The following BCLAF1 variants were observed in gnomAD, a reference collection of about 807,000 sequenced individuals.
The protein encoded by BCLAF1 is bcl-2-associated transcription factor 1.
In BCLAF1, 10 loss-of-function variants were observed where a neutral mutation model predicts 99.5. The observed-to-expected ratio is 0.10, with a 90% CI of 0.06 to 0.17. The LOEUF is 0.17. Among genes scored for constraint, BCLAF1 ranks in the 10% least tolerant of loss-of-function variants. The pLI, the probability that BCLAF1 is intolerant of heterozygous loss-of-function variation, is 1.00. For synonymous variants in BCLAF1, 255 were observed against 370.9 expected (o/e 0.69, Z 3.59); for missense variants, 636 against 1,105.8 (o/e 0.58, Z 6.02).
At chr6:136,273,570 C>A (rs1458254156) in intron 6 of BCLAF1, 3 of 161,728 alleles carry the variant, frequency 1.9e-5, no homozygotes, top group East Asian at 1.8e-4. Flanking sequence ...AAACAAAAAA[C>A]AGGAAAATAT....
intron 1 of BCLAF1, among the ~76,000 whole-genome samples, chr6:136,289,448 G>C (rs969897776): frequency 1.3e-5 from 2 of 152,156 alleles, no homozygotes; most frequent in African/African-American, 4.8e-5. Context: ...ACGGGAGGCC[G>C]CGCGGGCTGT....
rs1184812796 is a variant in BCLAF1, at chr6:136,257,921, TTTATA to T, written c.*3184_*3188del. On this transcript the variant is annotated 3_prime_UTR_variant, in exon 13 of 13. Coordinates refer to ENST00000531224, the MANE Select transcript of BCLAF1 (RefSeq NM_014739.3). ...ACAAATGTTAATAATGCAGCATACT[TTTATA>T]TAAGAAATTTGTATATAACATTACA... is the stretch of plus-strand genomic sequence containing the variant. 6.6e-6 allele frequency: 1 copy of T among 152,148 alleles called. No homozygotes were observed. Among genetic ancestry groups the T allele is most frequent in the Non-Finnish European group, 1.5e-5 (1 of 67,984 alleles). 9.4% of individuals were successfully genotyped at this position (152,148 alleles called of 1,614,324 possible). A position where few individuals can be genotyped will look rare whatever the true frequency, so the allele number is the denominator to read the frequency against.
At chr6:136,261,830 AAATT>A (rs748356012) in intron 11 of BCLAF1, among the ~76,000 whole-genome samples, 17 of 152,138 alleles carry the variant, frequency 1.1e-4, no homozygotes, top group Non-Finnish European at 2.5e-4. Flanking sequence ...CAATGAGATA[AAATT>A]AAGTTTTTCC....
intron 11 of BCLAF1, among the ~76,000 whole-genome samples, chr6:136,262,775 A>G (rs1457259207): frequency 1.3e-5 from 2 of 152,186 alleles, no homozygotes; most frequent in Non-Finnish European, 2.9e-5. Context: ...ACATAATTTC[A>G]TGCTCCCTTA....
chr6:136,271,794 T>G (rs1782568228), intron 8 of BCLAF1: 1 of 381,206 alleles, frequency 2.6e-6, no homozygotes. Context: ...GAAAAAACAC[T>G]CTTGGTTTAA....
intron 10 of BCLAF1, 127 bp from the exon 11 acceptor site, chr6:136,267,302 G>T: frequency 8.7e-7 from 1 of 1,144,730 alleles, no homozygotes. Flanking sequence ...CATGGCCATT[G>T]AGGATGAAAA....
Position 136,275,868 on chromosome 6 carries a change from G to A in BCLAF1, c.1657C>T (p.Pro553Ser), listed in dbSNP as rs749794241. ...HRPEVKLKMAPVPLDDSNRPA... is the reference protein window; with the variant it reads ...HRPEVKLKMASVPLDDSNRPA... ...CTGTTAGAATCATCAAGAGGAACAG[G>A]TGCCATTTTGAGTTTGACTTCAGGA... Residue 553 changes from proline to serine, a missense_variant, in exon 5 of 13, where the codon CCT becomes TCT. Transcript: ENST00000531224. 6.2e-7 allele frequency: 1 copy of A among 1,613,164 alleles called. No homozygotes were observed. The highest frequency in any genetic ancestry group is 8.5e-7 in the Non-Finnish European group (1 of 1,179,672).
rs1025230597 is a variant in BCLAF1 at position 136,258,021 on chromosome 6, A to T, written c.*3089T>A. 2.6e-5 allele frequency: 4 copies of T among 152,106 alleles called. No individual in the cohort carries two copies. The highest frequency in any genetic ancestry group is 9.6e-5 in the African/African-American group (4 of 41,460). The allele number at this position is 152,106 out of a possible 1,614,324, so 9.4% of individuals were successfully genotyped here. ...TACATGCATATGTATGTACACACAG[A>T]GTTATTTCTCTCACAGAATTTTTAA... On this transcript the variant is annotated 3_prime_UTR_variant, in exon 13 of 13. Coordinates refer to ENST00000531224, the MANE Select transcript of BCLAF1 (RefSeq NM_014739.3).
chr6:136,268,348 T>C lies in BCLAF1; in HGVS notation c.2220-9A>G, dbSNP rs1554215118. On this transcript the variant is annotated splice_polypyrimidine_tract_variant and intron_variant, in intron 9 of 12. Transcript: ENST00000531224. ...GCTCTCTTTTATGTTTACTGCAAAA[T>C]AAAGAAAACAAAAAATGTGATACTT... is the stretch of plus-strand genomic sequence containing the variant. The C allele has an allele frequency of 3.2e-6, 5 of 1,583,586 alleles. No homozygotes were observed. The highest frequency in any genetic ancestry group is 3.4e-6 in the Non-Finnish European group (4 of 1,168,656).
intron 2 of BCLAF1, among the ~76,000 whole-genome samples, chr6:136,280,678 C>T (rs1784270330): frequency 1.3e-5 from 2 of 151,868 alleles, no homozygotes; most frequent in African/African-American, 4.8e-5. Context: ...ATAATTAGAC[C>T]TCATTGGGTA....
In BCLAF1 at chr6:136,278,220, T is replaced by G. The variant is rs772286045; in HGVS notation, c.661A>C (p.Asn221His). Residue 221 changes from asparagine to histidine, a missense_variant, in exon 4 of 13, where the codon AAT (asparagine) becomes CAT (histidine). Asn to His is a moderately conservative substitution (Grantham distance 68). Around this residue, in one of 9 missense-constraint regions of BCLAF1, gnomAD observed 65 missense variants for 90.9 expected, o/e 0.71. Coordinates refer to ENST00000531224, the MANE Select transcript of BCLAF1 (RefSeq NM_014739.3). Reference protein sequence around the residue: ...DIWPGLSAYDNSPRSPHSPSP... With the variant: ...DIWPGLSAYDHSPRSPHSPSP... Reference sequence around the variant, plus strand: ...GGACTATGGGGTGATCTAGGACTATTATCATAAGCTGAAAGGCCAGGCCAA... The same window carrying G: ...GGACTATGGGGTGATCTAGGACTATGATCATAAGCTGAAAGGCCAGGCCAA... The G allele has an allele frequency of 1.9e-6, 3 of 1,614,176 alleles. No individual in the cohort carries two copies. Among genetic ancestry groups the G allele is most frequent in the Middle Eastern group, 1.7e-4 (1 of 6,058 alleles).
chr6:136,276,393 G>C lies in BCLAF1; in HGVS notation c.1132C>G (p.Gln378Glu). The change falls in exon 5 of 13, where the codon CAG becomes GAG. Residue 378 changes from glutamine to glutamate, a missense_variant. Physicochemically the swap from Gln to Glu is conservative, Grantham distance 29 (BLOSUM62 2). Coordinates refer to ENST00000531224, the MANE Select transcript of BCLAF1 (RefSeq NM_014739.3). ...TCACTGAAGTAATCTAGAGCTTCCTGATCTTCCCATTCTCCCTCTGCCCTC... is the reference window on the plus strand; with the variant it reads ...TCACTGAAGTAATCTAGAGCTTCCTCATCTTCCCATTCTCCCTCTGCCCTC... The part of the protein sequence containing the change: ...KGRAEGEWED[Q>E]EALDYFSDKE... 2 of 1,578,944 alleles carry C rather than the reference G, an allele frequency of 1.3e-6. No homozygotes were observed. Among genetic ancestry groups the C allele is most frequent in the Non-Finnish European group, 1.7e-6 (2 of 1,168,892 alleles).
rs777524158 is a variant in BCLAF1, at chr6:136,261,120, A to G, written c.2758-5T>C. 9 of 1,577,218 alleles carry G rather than the reference A, an allele frequency of 5.7e-6. No individual in the cohort carries two copies. In the South Asian group the frequency reaches 7.0e-5, roughly 12 times the overall value. On this transcript the variant is annotated splice_polypyrimidine_tract_variant and splice_region_variant and intron_variant, in intron 12 of 12. Transcript: ENST00000531224. ...CTTACTTCATATTTATTATTCCTAA[A>G]AGAGAGAGAAAAAATTAAAGATTAA...
intron 1 of BCLAF1, among the ~76,000 whole-genome samples, chr6:136,288,250 C>G (rs1202318628): frequency 6.6e-6 from 1 of 152,184 alleles, no homozygotes; most frequent in African/African-American, 2.4e-5. Flanking sequence ...AGGTTGTTTA[C>G]CATGAGCTAC....
At chr6:136,285,498 T>G (rs1372786935) in intron 1 of BCLAF1, among the ~76,000 whole-genome samples, 2 of 152,212 alleles carry the variant, frequency 1.3e-5, no homozygotes, top group Non-Finnish European at 1.5e-5. Context: ...GTGCTCTCTC[T>G]TCAATACCCT....
At chr6:136,288,136 A>T (rs1477418002) in intron 1 of BCLAF1, among the ~76,000 whole-genome samples, 1 of 152,244 alleles carries the variant, frequency 6.6e-6, no homozygotes, top group African/African-American at 2.4e-5. Flanking sequence ...CTGGCTAAAC[A>T]GCTTCCTTTG....
chr6:136,289,481 A>C (rs1243582798), intron 1 of BCLAF1, among the ~76,000 whole-genome samples: 1 of 151,944 alleles, frequency 6.6e-6, no homozygotes, highest in Non-Finnish European at 1.5e-5. Context: ...AGGTTCGCAA[A>C]CACGCGCGCG....
Position 136,264,363 on chromosome 6 carries a change from C to T in BCLAF1, c.2544+2666G>A, listed in dbSNP as rs117149264. Among the ~76,000 whole-genome samples the T allele has an allele frequency of 4.3e-4, 65 of 152,158 alleles. No individual in the cohort carries two copies. The East Asian group carries it at 0.011, about 25-fold the overall frequency. ...TTGGGACTACAGGCACGCACCACCACGCTCAGCTAATTTTCGTTTTTTTTG... is the reference window on the plus strand; with the variant it reads ...TTGGGACTACAGGCACGCACCACCATGCTCAGCTAATTTTCGTTTTTTTTG... On this transcript the variant is annotated intron_variant, in intron 11 of 12. Coordinates refer to ENST00000531224, the MANE Select transcript of BCLAF1 (RefSeq NM_014739.3).
rs1782242815 is a variant in BCLAF1 at position 136,269,674 on chromosome 6, A to G, written c.2044-62T>C. 3.1e-6 allele frequency: 4 copies of G among 1,274,698 alleles called. No individual in the cohort carries two copies. In the South Asian group the frequency reaches 5.5e-5, roughly 18 times the overall value. The allele number at this position is 1,274,698 out of a possible 1,614,324, so 79.0% of individuals were successfully genotyped here. ...AGAAATAGAAAAAATATATATACAC[A>G]TATTATAGAGTTAAATTTTATGCCA... On this transcript the variant is annotated intron_variant, in intron 8 of 12. Transcript: ENST00000531224.
Sources: gnomAD v4.1 joint callset for allele counts (sites outside exome capture counted in the v4.1 genomes callset) on GRCh38, gnomAD v4.1.1 for gene constraint, gnomAD v4.1.1 regional missense constraint, MANE v1.5 for transcripts, NCBI Gene and HGNC (gene_info 2026-07-23, HGNC 2026-07-21) for gene names.